Variants in PDXDC1 observed in about 807,000 individuals in gnomAD.
PDXDC1 encodes the protein pyridoxal-dependent decarboxylase domain-containing protein 1.
In PDXDC1, 42 loss-of-function variants were observed where a neutral mutation model predicts 100.1. The observed-to-expected ratio is 0.42, with a 90% CI of 0.33 to 0.54. The LOEUF (loss-of-function observed/expected upper bound fraction) is 0.54, where lower values mean the gene tolerates loss of function less well. Ranked by LOEUF, PDXDC1 falls within the 20% of genes least tolerant of loss-of-function variation. The pLI, the probability that PDXDC1 is intolerant of heterozygous loss-of-function variation, is 0.10. For missense variants in PDXDC1, 636 were observed against 979.2 expected (o/e 0.65, Z 4.68); for synonymous variants, 260 against 371.7 (o/e 0.70, Z 3.46).
chr16:15,000,313 C>T (rs1972870563), intron 3 of PDXDC1, among the ~76,000 whole-genome samples: 1 of 152,290 alleles, frequency 6.6e-6, no homozygotes, highest in African/African-American at 2.4e-5. Flanking sequence ...AAGTGCCATA[C>T]CTTCACTGTC....
intron 3 of PDXDC1, among the ~76,000 whole-genome samples, chr16:14,999,640 T>A (rs1972732070): frequency 6.6e-6 from 1 of 152,260 alleles, no homozygotes; most frequent in South Asian, 2.1e-4. Flanking sequence ...CTGAGTTTTA[T>A]TCTAAGAGGT....
chr16:15,039,463 C>G (rs1721586934), downstream of PDXDC1, among the ~76,000 whole-genome samples: 1 of 152,156 alleles, frequency 6.6e-6, no homozygotes, highest in African/African-American at 2.4e-5. Flanking sequence ...CTTGGGTTTT[C>G]AGTTTTCTAA....
intron 16 of PDXDC1, among the ~76,000 whole-genome samples, chr16:15,128,580 G>A (rs2047883113): frequency 6.6e-6 from 1 of 152,150 alleles, no homozygotes; most frequent in African/African-American, 2.4e-5. Context: ...AGGACCTCAA[G>A]GACATGATTA....
chr16:15,059,245 A>T (rs2044629706), intron 16 of PDXDC1, among the ~76,000 whole-genome samples: 1 of 152,164 alleles, frequency 6.6e-6, no homozygotes, highest in African/African-American at 2.4e-5. Flanking sequence ...ATTCTAGGGC[A>T]CAGCCAGGGT....
intron 16 of PDXDC1, chr16:15,060,260 AT>A: frequency 6.1e-6 from 2 of 326,104 alleles, no homozygotes; most frequent in Middle Eastern, 4.1e-4. Context: ...AAAAATCAAC[AT>A]TTTGCCAGCA....
At chr16:15,019,606 C>T (rs867985771) in intron 12 of PDXDC1, among the ~76,000 whole-genome samples, 1 of 152,272 alleles carries the variant, frequency 6.6e-6, no homozygotes, top group African/African-American at 2.4e-5. Flanking sequence ...CATGTCGGGC[C>T]CGTTCCTCAT....
intron 16 of PDXDC1, chr16:15,076,434 G>GT (rs1484718815): frequency 1.4e-6 from 1 of 739,276 alleles, no homozygotes; most frequent in African/African-American, 1.7e-5. Flanking sequence ...ATAAGGAATC[G>GT]TTTTCAAGTT....
rs11419800 is a variant in PDXDC1, at chr16:15,076,980, C to CTTT, written c.1399+46938_1399+46940dup. Among the ~76,000 whole-genome samples the CTTT allele has an allele frequency of 1.5e-3, 222 of 143,908 alleles. 8 individuals carry two copies. The highest frequency in any genetic ancestry group is 5.0e-3 in the African/African-American group (197 of 39,050). 94.4% of individuals were successfully genotyped at this position (143,908 alleles called of 152,430 possible). ...TGGCTCTGTGTCCCCACCCAAATCA[C>CTTT]TTTTTTTTTTTTTTTTGAGGCAGAG... On this transcript the variant is annotated intron_variant, in intron 16 of 16. Transcript: ENST00000535621.
At chr16:15,009,025 G>T (rs2041035220) in intron 7 of PDXDC1, among the ~76,000 whole-genome samples, 178 bp downstream of exon 7, 1 of 152,278 alleles carries the variant, frequency 6.6e-6, no homozygotes, top group Non-Finnish European at 1.5e-5. Context: ...AGGTTGGTTG[G>T]TATATAGGTC....
At chr16:14,983,143 G>GTT (rs1481210511) in intron 1 of PDXDC1, among the ~76,000 whole-genome samples, 2 of 152,160 alleles carry the variant, frequency 1.3e-5, no homozygotes, top group Non-Finnish European at 2.9e-5. Context: ...CCCCAAATAA[G>GTT]AACATTCCTC....
chr16:15,033,384 A>G lies in PDXDC1; in HGVS notation c.1797A>G (p.Ile599Met), dbSNP rs2043186092. ...CCATTGCGGCCACAGCCCGGGAGAT[A>G]GAGGAGAACTCGAGGGTCCGTAGCA... Reference protein sequence around the residue: ...VETIAATAREIEENSRLLENM... With the variant: ...VETIAATAREMEENSRLLENM... Residue 599 changes from isoleucine to methionine, a missense_variant, in exon 19 of 23, where the codon ATA becomes ATG. This residue lies in a region of PDXDC1 where 452 missense variants were observed against 402.9 expected (regional missense o/e 1.12). Transcript: ENST00000396410. 2 of 1,614,028 alleles carry G rather than the reference A, an allele frequency of 1.2e-6. No homozygotes were observed. The highest frequency in any genetic ancestry group is 2.7e-5 in the African/African-American group (2 of 74,932).
In PDXDC1 at chr16:15,031,132, TTTTCC is replaced by T. The variant is rs1255327303; in HGVS notation, c.1400-602_1400-598del. Among the ~76,000 whole-genome samples, 12 of 142,854 alleles carry T rather than the reference TTTTCC, an allele frequency of 8.4e-5. No homozygotes were observed. The South Asian group carries it at 9.6e-4, about 11-fold the overall frequency. 93.7% of individuals were successfully genotyped at this position (142,854 alleles called of 152,430 possible). ...CATCTATTTTTTTTTTTTTTTTTTTTTTTCCATAGAGACGTGGTCTCACTCTGTCA... is the reference window on the plus strand; with the variant it reads ...CATCTATTTTTTTTTTTTTTTTTTTTATAGAGACGTGGTCTCACTCTGTCA... On this transcript the variant is annotated intron_variant, in intron 16 of 22. Coordinates refer to ENST00000396410, the MANE Select transcript of PDXDC1 (RefSeq NM_015027.4).
intron 1 of PDXDC1, among the ~76,000 whole-genome samples, chr16:14,981,173 A>G (rs1035906245): frequency 6.6e-6 from 1 of 152,294 alleles, no homozygotes; most frequent in Admixed American, 6.5e-5. Flanking sequence ...ATGCTTTTCT[A>G]GAGTTTAATT....
chr16:15,086,725 C>A (rs1213302381), intron 16 of PDXDC1, among the ~76,000 whole-genome samples: 1 of 152,134 alleles, frequency 6.6e-6, no homozygotes, highest in Non-Finnish European at 1.5e-5. Flanking sequence ...CCTGAAAAAG[C>A]GAAATCACCT....
At chr16:15,086,473 T>A in intron 16 of PDXDC1, 1 of 1,609,374 alleles carries the variant, frequency 6.2e-7, no homozygotes, top group Non-Finnish European at 8.5e-7. Flanking sequence ...AAACAAAGAG[T>A]ACTTTCAAAA....
chr16:15,094,121 AGAAG>A, intron 16 of PDXDC1: 1 of 1,576,352 alleles, frequency 6.3e-7, no homozygotes, highest in Non-Finnish European at 8.6e-7. Flanking sequence ...CCAGATACGC[AGAAG>A]GAAGCGGCCT....
At chr16:14,988,332 T>C (rs1322171041) in intron 1 of PDXDC1, 66 of 1,614,110 alleles carry the variant, frequency 4.1e-5, no homozygotes, top group South Asian at 5.5e-5. Context: ...GTAGATGAGC[T>C]TGAAGAGGAA....
chr16:14,989,183 T>A, intron 1 of PDXDC1: 1 of 1,614,216 alleles, frequency 6.2e-7, no homozygotes, highest in South Asian at 1.1e-5. Context: ...GCTCCGCCGC[T>A]GGCATCTCCA....
intron 12 of PDXDC1, among the ~76,000 whole-genome samples, chr16:15,020,975 A>AAACACACACACACACACAC (rs370903249): frequency 6.9e-6 from 1 of 145,912 alleles, no homozygotes; most frequent in African/African-American, 2.5e-5. Flanking sequence ...GCACCATCTA[A>AAACACACACACACACACAC]ACACACACAC....
Sources: allele counts gnomAD v4.1 joint callset (sites outside exome capture counted in the v4.1 genomes callset), GRCh38; gene constraint gnomAD v4.1.1; regional missense constraint gnomAD v4.1.1; transcripts MANE v1.5; gene names NCBI Gene and HGNC (gene_info 2026-07-23, HGNC 2026-07-21).